The following SYNJ1 variants were observed in gnomAD, a reference collection of about 807,000 sequenced individuals.
SYNJ1 encodes synaptojanin 1.
In SYNJ1, 78 loss-of-function variants were observed where a neutral mutation model predicts 168.2. The ratio of observed to expected loss-of-function variants is 0.46; its 90% CI spans 0.39 to 0.56. SYNJ1 has a LOEUF of 0.56. Among genes scored for constraint, SYNJ1 ranks in the 20% least tolerant of loss-of-function variants. SYNJ1 has a pLI of 0.00. For missense variants in SYNJ1, 1,303 were observed against 1,597.6 expected, an observed-to-expected ratio of 0.82 and a Z score of 3.14; for synonymous variants, 539 against 548.6, an observed-to-expected ratio of 0.98 and a Z score of 0.24.
intron 24 of SYNJ1, 112 bp downstream of exon 24, chr21:32,646,281 G>T: frequency 9.3e-7 from 1 of 1,074,946 alleles, no homozygotes; most frequent in Non-Finnish European, 1.4e-6. Context: ...TTCTGTACCG[G>T]AGAAAACAGG....
Position 32,638,939 on chromosome 21 carries a change from C to T in SYNJ1, c.3884G>A (p.Ser1295Asn), listed in dbSNP as rs778062243. ...QPPPRSRSSH[S>N]LPSEASSQPQ... ...TTGTGAGGAAGCTTCTGAAGGCAAG[C>T]TATGGGATGACCTGCTTCGAGGTGG... Residue 1295 changes from serine to asparagine, a missense_variant, in exon 31 of 33, where the codon AGC becomes AAC. Around this residue, in one of 2 missense-constraint regions of SYNJ1, gnomAD observed 383 missense variants for 388.8 expected, o/e 0.99. Coordinates refer to ENST00000674351, the MANE Select transcript of SYNJ1 (RefSeq NM_203446.3). The T allele has an allele frequency of 6.2e-7, 1 of 1,612,278 alleles. No individual in the cohort carries two copies. Among genetic ancestry groups the T allele is most frequent in the Non-Finnish European group, 8.5e-7 (1 of 1,178,846 alleles).
At chr21:32,655,236 C>T (rs1045010030) in intron 21 of SYNJ1, among the ~76,000 whole-genome samples, 2 of 152,312 alleles carry the variant, frequency 1.3e-5, no homozygotes, top group East Asian at 3.9e-4. Context: ...TTTACATTTG[C>T]TCAGGAAGAC....
Position 32,670,372 on chromosome 21 carries a change from T to C in SYNJ1, c.1727A>G (p.Asp576Gly). 6.2e-7 allele frequency: 1 copy of C among 1,611,250 alleles called. No homozygotes were observed. The highest frequency in any genetic ancestry group is 8.5e-7 in the Non-Finnish European group (1 of 1,178,122). The part of the protein sequence containing the change: ...PKLAGIQEFQ[D>G]KRSKPTDIFA... ...TATATCAGTTGGCTTACTTCTTTTA[T>C]CTAAAATTAAGCATCCAAGAAATAC... is the stretch of plus-strand genomic sequence containing the variant. Residue 576 changes from aspartate to glycine, a missense_variant and splice_region_variant, in exon 15 of 33, where the codon GAT (aspartate) becomes GGT (glycine). Coordinates refer to ENST00000674351, the MANE Select transcript of SYNJ1 (RefSeq NM_203446.3).
intron 14 of SYNJ1, among the ~76,000 whole-genome samples, chr21:32,672,186 G>A (rs1435317990): frequency 6.8e-6 from 1 of 147,706 alleles, no homozygotes; most frequent in African/African-American, 2.5e-5. Flanking sequence ...AACTAAAAAA[G>A]AAAAATTTTA....
intron 14 of SYNJ1, chr21:32,670,715 T>G: frequency 1.2e-6 from 1 of 822,150 alleles, no homozygotes; most frequent in Non-Finnish European, 1.5e-6. Context: ...AGAGAGAAAT[T>G]ATTCAGAAAA....
intron 2 of SYNJ1, among the ~76,000 whole-genome samples, chr21:32,702,598 C>G (rs940808249): frequency 3.3e-5 from 5 of 152,170 alleles, no homozygotes; most frequent in Non-Finnish European, 7.3e-5. Context: ...TAGCACTTAG[C>G]AATTACACAT....
chr21:32,696,003 T>C (rs1296322304), intron 4 of SYNJ1, among the ~76,000 whole-genome samples: 5 of 152,088 alleles, frequency 3.3e-5, no homozygotes, highest in Admixed American at 2.0e-4. Context: ...CCCACCACCA[T>C]GCTTGGCTAA....
At chr21:32,673,273 T>C in intron 14 of SYNJ1, 67 bp downstream of exon 14, 1 of 1,415,818 alleles carries the variant, frequency 7.1e-7, no homozygotes, top group Non-Finnish European at 9.4e-7. Context: ...AAGTGCTATA[T>C]TTGTTTTCTA....
chr21:32,650,360 A>G lies in SYNJ1; in HGVS notation c.2875-14T>C. 1.3e-6 allele frequency: 2 copies of G among 1,582,920 alleles called. No homozygotes were observed. Among genetic ancestry groups the G allele is most frequent in the Non-Finnish European group, 1.7e-6 (2 of 1,169,728 alleles). On this transcript the variant is annotated splice_polypyrimidine_tract_variant and intron_variant, in intron 22 of 32. Transcript: ENST00000674351. ...CCGATTCAATAACTAGCGGAGTAAA[A>G]GAGATATAAAATAAAGATTAACATG...
Position 32,664,611 on chromosome 21 carries a change from C to T in SYNJ1, c.2304+302G>A, listed in dbSNP as rs111681157. 7.2e-5 allele frequency among the ~76,000 whole-genome samples: 11 copies of T among 152,200 alleles called. 1 individual carries two copies. The highest frequency in any genetic ancestry group is 2.6e-4 in the African/African-American group (11 of 41,538). On this transcript the variant is annotated intron_variant, in intron 18 of 32. Coordinates refer to ENST00000674351, the MANE Select transcript of SYNJ1 (RefSeq NM_203446.3). Reference sequence around the variant, plus strand: ...CCCTCTCACATGGACTCCCTTAGAGCTGTAAGCCCTTAAAAGGGACAGGAA... The same window carrying T: ...CCCTCTCACATGGACTCCCTTAGAGTTGTAAGCCCTTAAAAGGGACAGGAA...
intron 26 of SYNJ1, among the ~76,000 whole-genome samples, chr21:32,644,735 G>C (rs1180453703): frequency 2.0e-5 from 3 of 151,794 alleles, no homozygotes; most frequent in African/African-American, 7.3e-5. Context: ...TATAACTTTT[G>C]GGTATTAAAT....
chr21:32,676,114 C>G (rs1018856695), intron 13 of SYNJ1, among the ~76,000 whole-genome samples: 3 of 152,170 alleles, frequency 2.0e-5, no homozygotes, highest in Non-Finnish European at 2.9e-5. Flanking sequence ...TACAGGAAGA[C>G]AAAGAGCACT....
intron 2 of SYNJ1, among the ~76,000 whole-genome samples, chr21:32,718,301 G>A (rs529005067): frequency 6.6e-6 from 1 of 152,114 alleles, no homozygotes; most frequent in South Asian, 2.1e-4. Flanking sequence ...ACTAACTACT[G>A]GTTTGACCCT....
chr21:32,703,392 T>A (rs997982665), intron 2 of SYNJ1, among the ~76,000 whole-genome samples: 3 of 152,218 alleles, frequency 2.0e-5, no homozygotes, highest in African/African-American at 7.2e-5. Flanking sequence ...ATCCTAACAT[T>A]CCATGACAAG....
Position 32,645,651 on chromosome 21 carries a change from G to A in SYNJ1, c.3386C>T (p.Pro1129Leu). 6.5e-7 allele frequency: 1 copy of A among 1,531,732 alleles called. No individual in the cohort carries two copies. Among genetic ancestry groups the A allele is most frequent in the Non-Finnish European group, 8.7e-7 (1 of 1,146,040 alleles). 94.9% of individuals were successfully genotyped at this position (1,531,732 alleles called of 1,614,324 possible). Residue 1129 changes from proline (P) to leucine (L), a missense_variant, in exon 25 of 33, where the codon CCT (proline) becomes CTT (leucine). Physicochemically the swap from Pro to Leu is moderately conservative, Grantham distance 98. Around this residue, in one of 2 missense-constraint regions of SYNJ1, gnomAD observed 383 missense variants for 388.8 expected, o/e 0.99. Transcript: ENST00000674351. ...TGGAAATAAAAGGTTGTCACCTGAA[G>A]GCGGAGGAGGTCTCTGTGGGGGAGC... is the stretch of plus-strand genomic sequence containing the variant. ...RPAPPQRPPP[P>L]SGARSPAPTR...
At chr21:32,652,707 A>G (rs1411507164) in intron 22 of SYNJ1, among the ~76,000 whole-genome samples, 1 of 152,250 alleles carries the variant, frequency 6.6e-6, no homozygotes, top group Non-Finnish European at 1.5e-5. Flanking sequence ...TCAGAGAAGT[A>G]AAACTATTCC....
At chr21:32,696,644 A>ACT (rs756378119) in intron 4 of SYNJ1, among the ~76,000 whole-genome samples, 6 of 151,914 alleles carry the variant, frequency 3.9e-5, no homozygotes, top group Admixed American at 6.6e-5. Flanking sequence ...AGTGCTCCGT[A>ACT]CTCTCTCTCT....
intron 2 of SYNJ1, among the ~76,000 whole-genome samples, chr21:32,704,268 A>C (rs975057244): frequency 6.6e-6 from 1 of 152,300 alleles, no homozygotes; most frequent in African/African-American, 2.4e-5. Flanking sequence ...CTATTCGGAC[A>C]CTCAGGAAAC....
At chr21:32,682,396 A>G (rs911571841) in intron 10 of SYNJ1, among the ~76,000 whole-genome samples, 3 of 152,212 alleles carry the variant, frequency 2.0e-5, no homozygotes, top group African/African-American at 4.8e-5. Context: ...ATTTTAACTT[A>G]ACTCTTTCCA....
Sources: allele counts gnomAD v4.1 joint callset (sites outside exome capture counted in the v4.1 genomes callset), GRCh38; gene constraint gnomAD v4.1.1; regional missense constraint gnomAD v4.1.1; transcripts MANE v1.5; gene names NCBI Gene and HGNC (gene_info 2026-07-23, HGNC 2026-07-21).